The following RFWD3 variants were observed in gnomAD, a reference collection of about 807,000 sequenced individuals.
The protein encoded by RFWD3 is E3 ubiquitin-protein ligase RFWD3.
A neutral mutation model predicts 87.7 loss-of-function variants in RFWD3; 65 were observed. The observed-to-expected ratio is 0.74, with a 90% confidence interval of 0.61 to 0.91. The LOEUF is 0.91. Ranked by LOEUF, RFWD3 falls within the 40% of genes least tolerant of loss-of-function variation. The pLI, the probability that RFWD3 is intolerant of heterozygous loss-of-function variation, is 0.00. For missense variants in RFWD3, 1,078 were observed against 938.5 expected, an observed-to-expected ratio of 1.15 and a Z score of -1.94; for synonymous variants, 433 against 352.8, an observed-to-expected ratio of 1.23 and a Z score of -2.55.
chr16:74,628,382 CA>C, intron 11 of RFWD3, 69 bp downstream of exon 11: 5 of 1,452,980 alleles, frequency 3.4e-6, no homozygotes, highest in Non-Finnish European at 4.8e-6. Flanking sequence ...AGGGTAGGAT[CA>C]AACCCTCCTT....
chr16:74,660,257 G>A (rs1348396673), intron 2 of RFWD3, among the ~76,000 whole-genome samples: 2 of 152,168 alleles, frequency 1.3e-5, no homozygotes, highest in Non-Finnish European at 2.9e-5. Context: ...GCGACAGAGT[G>A]AGACTCCATC....
Position 74,632,619 on chromosome 16 carries a change from G to A in RFWD3, c.1481C>T (p.Pro494Leu), listed in dbSNP as rs199852515. ...TCCACGGATCTGTTTGCCATGCATCGGAATGTACTGACTGCTCTTCATGTT... is the reference window on the plus strand; with the variant it reads ...TCCACGGATCTGTTTGCCATGCATCAGAATGTACTGACTGCTCTTCATGTT... The part of the protein sequence containing the change: ...TANMKSSQYI[P>L]MHGKQIRGLA... The change falls in exon 9 of 13, where the codon CCG (proline) becomes CTG (leucine). Residue 494 changes from proline (P) to leucine (L), a missense_variant. Physicochemically the swap from Pro to Leu is moderately conservative, Grantham distance 98. Transcript: ENST00000361070. 2 of 1,614,038 alleles carry A rather than the reference G, an allele frequency of 1.2e-6. No individual in the cohort carries two copies. Among genetic ancestry groups the A allele is most frequent in the Middle Eastern group, 1.6e-4 (1 of 6,062 alleles).
At chr16:74,639,813 G>A (rs1352357587) in intron 6 of RFWD3, among the ~76,000 whole-genome samples, 2 of 152,144 alleles carry the variant, frequency 1.3e-5, no homozygotes, top group South Asian at 2.1e-4. Flanking sequence ...CAAAAAGACT[G>A]TGGAACAAAA....
rs759707009 is a variant in RFWD3 at position 74,632,595 on chromosome 16, C to CCACG, written c.1501_1504dup (p.Gly502AlafsTer6). On this transcript the variant is annotated frameshift_variant, in exon 9 of 13. Transcript: ENST00000361070. LOFTEE classifies it high-confidence loss of function. ...TCTGAGGTAACTGCTAAACGCCAGT[C>CCACG]CACGGATCTGTTTGCCATGCATCGG... The CCACG allele has an allele frequency of 6.2e-7, 1 of 1,614,114 alleles. No individual in the cohort carries two copies. Among genetic ancestry groups the CCACG allele is most frequent in the South Asian group, 1.1e-5 (1 of 91,074 alleles).
At chr16:74,630,724 C>T (rs1358495458) in intron 10 of RFWD3, 57 bp downstream of exon 10, 1 of 1,469,172 alleles carries the variant, frequency 6.8e-7, no homozygotes, top group Non-Finnish European at 9.1e-7. Flanking sequence ...ACGATTAACA[C>T]AATAATAAGC....
chr16:74,631,503 C>A (rs1959094848), intron 9 of RFWD3, among the ~76,000 whole-genome samples: 1 of 150,614 alleles, frequency 6.6e-6, no homozygotes, highest in South Asian at 2.1e-4. Context: ...AATAACCCAA[C>A]CAACACTCTG....
chr16:74,630,171 C>T (rs1567567443), intron 10 of RFWD3, among the ~76,000 whole-genome samples: 1 of 152,150 alleles, frequency 6.6e-6, no homozygotes, highest in Non-Finnish European at 1.5e-5. Flanking sequence ...TCTCGGCTCA[C>T]CGCAACCTCC....
At chr16:74,637,738 G>A (rs1959266015) in intron 7 of RFWD3, 118 bp downstream of exon 7, 1 of 697,312 alleles carries the variant, frequency 1.4e-6, no homozygotes, top group Non-Finnish European at 2.5e-6. Flanking sequence ...AGTTGGTCAT[G>A]TTCATTTCCT....
intron 2 of RFWD3, among the ~76,000 whole-genome samples, chr16:74,657,464 C>T (rs8061942): frequency 0.59 from 87,567 of 148,830 alleles, 26,949 homozygotes; most frequent in African/African-American, 0.77. Context: ...TGACATCACC[C>T]AGGTTTTCTT....
At chr16:74,638,374 A>T (rs899073470) in intron 6 of RFWD3, among the ~76,000 whole-genome samples, 1 of 152,250 alleles carries the variant, frequency 6.6e-6, no homozygotes, top group Non-Finnish European at 1.5e-5. Flanking sequence ...GAAGTTAAAA[A>T]GAGCAAAAGT....
chr16:74,629,021 T>C (rs557300599), intron 10 of RFWD3, among the ~76,000 whole-genome samples: 25 of 152,286 alleles, frequency 1.6e-4, no homozygotes, highest in African/African-American at 5.8e-4. Context: ...ACAAAGCTTA[T>C]ATACATAACA....
intron 2 of RFWD3, among the ~76,000 whole-genome samples, chr16:74,656,234 A>C (rs1408943485): frequency 7.6e-6 from 1 of 131,014 alleles, no homozygotes; most frequent in Non-Finnish European, 1.6e-5. Flanking sequence ...GAGCCCGGGG[A>C]GGTTGAGGCT....
rs754709507 is a variant in RFWD3, at chr16:74,630,765, G to A, written c.1754+16C>T. 15 of 1,577,676 alleles carry A rather than the reference G, an allele frequency of 9.5e-6. No individual in the cohort carries two copies. The highest frequency in any genetic ancestry group is 2.3e-5 in the South Asian group (2 of 86,492). On this transcript the variant is annotated intron_variant, in intron 10 of 12. Transcript: ENST00000361070. ...GAAAGCTGCTACCACCAGGAAAAGA[G>A]TGAGTGGCTCCCTACCTGGCTTTCT...
At chr16:74,665,007 G>A (rs1961765737) in intron 1 of RFWD3, among the ~76,000 whole-genome samples, 1 of 152,198 alleles carries the variant, frequency 6.6e-6, no homozygotes, top group Non-Finnish European at 1.5e-5. Context: ...CACAAACGCT[G>A]TTTTTTATGT....
chr16:74,658,261 T>C (rs925287978), intron 2 of RFWD3, among the ~76,000 whole-genome samples: 1 of 152,142 alleles, frequency 6.6e-6, no homozygotes, highest in Non-Finnish European at 1.5e-5. Flanking sequence ...CAAAGTTTAG[T>C]CTCTCACACA....
chr16:74,647,941 A>AT lies in RFWD3; in HGVS notation c.792+1190dup, dbSNP rs969401914. 1.9e-3 allele frequency among the ~76,000 whole-genome samples: 284 copies of AT among 151,388 alleles called. 3 individuals carry two copies. Among genetic ancestry groups the AT allele is most frequent in the African/African-American group, 6.6e-3 (272 of 41,294 alleles). On this transcript the variant is annotated intron_variant, in intron 4 of 12. Transcript: ENST00000361070. ...TCACCTACTAACCATATTCTGCCTG[A>AT]TTTTTTTTTAATTTTAATTTTTTTA...
intron 6 of RFWD3, among the ~76,000 whole-genome samples, chr16:74,641,056 A>G (rs1959599485): frequency 6.6e-6 from 1 of 152,242 alleles, no homozygotes; most frequent in African/African-American, 2.4e-5. Context: ...CTGAAATTAA[A>G]TGTGCCCTAT....
chr16:74,664,758 AAAAG>A (rs2144387858), intron 1 of RFWD3: 1 of 151,858 alleles, frequency 6.6e-6, no homozygotes, highest in Admixed American at 6.6e-5. Flanking sequence ...AAAAAAAGAA[AAAAG>A]AAAGAAATAA....
chr16:74,658,972 T>G (rs182295291), intron 2 of RFWD3, among the ~76,000 whole-genome samples: 1 of 152,244 alleles, frequency 6.6e-6, no homozygotes, highest in Admixed American at 6.5e-5. Flanking sequence ...TTTCACCATG[T>G]TGGCCTCGAA....
Sources: allele counts gnomAD v4.1 joint callset (sites outside exome capture counted in the v4.1 genomes callset), GRCh38; gene constraint gnomAD v4.1.1; transcripts MANE v1.5; gene names NCBI Gene and HGNC (gene_info 2026-07-23, HGNC 2026-07-21).